Variants in STK39 observed in about 807,000 individuals in gnomAD.
STK39 encodes serine/threonine kinase 39.
A neutral mutation model predicts 77.8 loss-of-function variants in STK39; 20 were observed. That is an observed-to-expected ratio of 0.26 (90% CI 0.18 to 0.37). STK39 has a LOEUF of 0.37. Among genes scored for constraint, STK39 ranks in the 10% least tolerant of loss-of-function variants. The probability of loss-of-function intolerance (pLI) is 1.00; values close to 1 mark genes in which losing one functional copy is unlikely to be tolerated. For missense variants in STK39, 479 were observed against 656.5 expected (o/e 0.73, Z 2.95); for synonymous variants, 246 against 234.1 (o/e 1.05, Z -0.47).
intron 10 of STK39, among the ~76,000 whole-genome samples, chr2:168,098,553 A>G (rs1686735597): frequency 1.3e-5 from 2 of 152,120 alleles, no homozygotes; most frequent in African/African-American, 2.4e-5. Context: ...CCCTATTGAC[A>G]GGGGCTGCTT....
At chr2:168,198,705 T>C (rs149303794) in intron 1 of STK39, among the ~76,000 whole-genome samples, 4 of 152,358 alleles carry the variant, frequency 2.6e-5, no homozygotes, top group African/African-American at 9.6e-5. Flanking sequence ...TCGCACTCAC[T>C]GGCACTGTAA....
rs144753924 is a variant in STK39 at position 168,049,010 on chromosome 2, G to T, written c.1376+14490C>A. Among the ~76,000 whole-genome samples, 142 of 152,346 alleles carry T rather than the reference G, an allele frequency of 9.3e-4. 1 individual carries two copies. Among genetic ancestry groups the T allele is most frequent in the Non-Finnish European group, 6.8e-4 (46 of 68,042 alleles). On this transcript the variant is annotated intron_variant, in intron 14 of 17. Coordinates refer to ENST00000355999, the MANE Select transcript of STK39 (RefSeq NM_013233.3). Reference sequence around the variant, plus strand: ...ATGGTTTTCATCACCGTTTGCAAAAGGAACAAGTGATAGCTCTGATAACCA... The same window carrying T: ...ATGGTTTTCATCACCGTTTGCAAAATGAACAAGTGATAGCTCTGATAACCA...
At chr2:168,037,842 A>C (rs910598027) in intron 14 of STK39, among the ~76,000 whole-genome samples, 2 of 152,176 alleles carry the variant, frequency 1.3e-5, no homozygotes, top group Non-Finnish European at 1.5e-5. Context: ...CTGCATTTTC[A>C]AATTTCCTCT....
chr2:168,126,168 G>A (rs1687535916), intron 10 of STK39, among the ~76,000 whole-genome samples: 1 of 152,110 alleles, frequency 6.6e-6, no homozygotes, highest in Admixed American at 6.5e-5. Flanking sequence ...ATGTGTCAAT[G>A]GACTGTCTGT....
chr2:168,047,893 A>G (rs1050241462), intron 14 of STK39, among the ~76,000 whole-genome samples: 2 of 152,196 alleles, frequency 1.3e-5, no homozygotes, highest in Non-Finnish European at 2.9e-5. Context: ...TCCATATCCA[A>G]ATTCATTAAA....
chr2:168,017,820 T>C (rs987709341), intron 14 of STK39, among the ~76,000 whole-genome samples: 7 of 152,170 alleles, frequency 4.6e-5, no homozygotes, highest in Non-Finnish European at 8.8e-5. Flanking sequence ...CAAGAAGCAC[T>C]ACACATTAAA....
chr2:168,229,862 A>G (rs1690407574), intron 1 of STK39, among the ~76,000 whole-genome samples: 2 of 152,210 alleles, frequency 1.3e-5, no homozygotes, highest in Admixed American at 1.3e-4. Context: ...CCTCCCCTTC[A>G]AATATCACAT....
chr2:168,228,155 A>G (rs1350080377), intron 1 of STK39, among the ~76,000 whole-genome samples: 1 of 152,204 alleles, frequency 6.6e-6, no homozygotes, highest in Non-Finnish European at 1.5e-5. Context: ...CACTTAACAC[A>G]CTTTGCAGTA....
intron 14 of STK39, among the ~76,000 whole-genome samples, chr2:168,030,787 T>G (rs1426852658): frequency 6.6e-6 from 1 of 152,198 alleles, no homozygotes; most frequent in Admixed American, 6.5e-5. Flanking sequence ...CCACTATAAA[T>G]CCTCAAGTTC....
intron 14 of STK39, among the ~76,000 whole-genome samples, chr2:168,024,248 G>A (rs1241615725): frequency 6.6e-6 from 1 of 152,188 alleles, no homozygotes; most frequent in African/African-American, 2.4e-5. Context: ...AGGATGAGGA[G>A]ATAATGTGAC....
intron 16 of STK39, among the ~76,000 whole-genome samples, chr2:167,975,480 A>C (rs942817658): frequency 6.6e-6 from 1 of 152,170 alleles, no homozygotes; most frequent in East Asian, 1.9e-4. Flanking sequence ...GAGATCAACC[A>C]ATCCAGAAGA....
rs538018978 is a variant in STK39 at position 167,993,004 on chromosome 2, T to C, written c.1498+19630A>G. 6.6e-5 allele frequency among the ~76,000 whole-genome samples: 10 copies of C among 152,380 alleles called. No homozygotes were observed. The South Asian group carries it at 2.1e-3, about 32-fold the overall frequency. ...CTTTGGTTTCTTCTCTGCTTTAATA[T>C]TCCTAGCTTTTGAAAATGGGCTGCA... On this transcript the variant is annotated intron_variant, in intron 16 of 17. Coordinates refer to ENST00000355999, the MANE Select transcript of STK39 (RefSeq NM_013233.3).
chr2:168,063,560 T>G lies in STK39; in HGVS notation c.1316A>C (p.Asn439Thr), dbSNP rs183634219. 2 of 1,612,658 alleles carry G rather than the reference T, an allele frequency of 1.2e-6. No individual in the cohort carries two copies. The highest frequency in any genetic ancestry group is 8.5e-7 in the Non-Finnish European group (1 of 1,179,388). Residue 439 changes from asparagine to threonine, a missense_variant, in exon 14 of 18, where the codon AAT becomes ACT. Transcript: ENST00000355999. The stretch of plus-strand genomic sequence containing the variant: ...AGCTTCTCTGTAGTCTTCATTAGCA[T>G]TGGGTGGGCCCTTTAAAAAGAAAAC... ...LSVHDSQGPP[N>T]ANEDYREASS...
chr2:168,213,594 G>T (rs1003497061), intron 1 of STK39, among the ~76,000 whole-genome samples: 3 of 151,772 alleles, frequency 2.0e-5, no homozygotes, highest in Admixed American at 6.6e-5. Flanking sequence ...GCTGAGGTGG[G>T]AGGATCACCT....
chr2:168,055,567 C>T (rs1430164552), intron 14 of STK39, among the ~76,000 whole-genome samples: 1 of 152,204 alleles, frequency 6.6e-6, no homozygotes, highest in Non-Finnish European at 1.5e-5. Context: ...AAGGTAAATT[C>T]ATGATGAGCA....
chr2:168,182,640 C>T (rs2105631771), intron 1 of STK39, among the ~76,000 whole-genome samples: 1 of 152,284 alleles, frequency 6.6e-6, no homozygotes. Context: ...TACAAAAGCT[C>T]TTGACATTCA....
At chr2:168,193,937 G>C (rs1309285229) in intron 1 of STK39, among the ~76,000 whole-genome samples, 1 of 152,230 alleles carries the variant, frequency 6.6e-6, no homozygotes, top group East Asian at 1.9e-4. Context: ...TAAGGGAATC[G>C]AGTTTAGGCC....
intron 2 of STK39, among the ~76,000 whole-genome samples, chr2:168,178,403 T>C (rs945517027): frequency 6.6e-6 from 1 of 152,220 alleles, no homozygotes; most frequent in Non-Finnish European, 1.5e-5. Context: ...TTAGATTAAT[T>C]GCTATTCATA....
intron 10 of STK39, among the ~76,000 whole-genome samples, chr2:168,089,053 C>T (rs1048183383): frequency 7.9e-5 from 12 of 152,194 alleles, no homozygotes; most frequent in Non-Finnish European, 1.6e-4. Flanking sequence ...CAGCACATTC[C>T]TCCCTCACAC....
Sources: allele counts gnomAD v4.1 joint callset (sites outside exome capture counted in the v4.1 genomes callset), GRCh38; gene constraint gnomAD v4.1.1; transcripts MANE v1.5; gene names NCBI Gene and HGNC (gene_info 2026-07-23, HGNC 2026-07-21).